The following SASH1 variants were observed in gnomAD, a reference collection of about 807,000 sequenced individuals.
SASH1 encodes SAM and SH3 domain-containing protein 1.
A neutral mutation model predicts 125.2 loss-of-function variants in SASH1; 44 were observed. The observed-to-expected ratio is 0.35, with a 90% CI of 0.28 to 0.45. The LOEUF (loss-of-function observed/expected upper bound fraction) is 0.45. Ranked by LOEUF, SASH1 falls within the 20% of genes least tolerant of loss-of-function variation. SASH1 has a pLI of 1.00. For synonymous variants in SASH1, 639 were observed against 649.1 expected (o/e 0.98, Z 0.24); for missense variants, 1,426 against 1,614.5 (o/e 0.88, Z 2.00).
intron 4 of SASH1, among the ~76,000 whole-genome samples, chr6:148,446,334 T>G (rs1221019452): frequency 2.6e-5 from 4 of 152,008 alleles, no homozygotes; most frequent in Non-Finnish European, 5.9e-5. Flanking sequence ...GGTCTTGATC[T>G]CCTGACCTCA....
chr6:148,402,321 G>GT (rs1040750078), intron 2 of SASH1, among the ~76,000 whole-genome samples: 11 of 151,988 alleles, frequency 7.2e-5, no homozygotes, highest in Non-Finnish European at 1.6e-4. Context: ...TTGTTTGTTT[G>GT]TTTTTTTGTT....
At chr6:148,280,362 G>A (rs1040866994) in intron 1 of SASH1, 3 of 152,064 alleles carry the variant, frequency 2.0e-5, no homozygotes, top group Non-Finnish European at 4.4e-5. Context: ...TCAGTGTCCT[G>A]GGAAAAGCTT....
At chr6:148,446,946 T>C (rs773343491) in intron 4 of SASH1, among the ~76,000 whole-genome samples, 1 of 152,206 alleles carries the variant, frequency 6.6e-6, no homozygotes, top group Non-Finnish European at 1.5e-5. Flanking sequence ...GCATTGCTTA[T>C]GCAAATACAG....
intron 1 of SASH1, among the ~76,000 whole-genome samples, chr6:148,286,702 G>C (rs1004819674): frequency 1.3e-5 from 2 of 152,082 alleles, no homozygotes; most frequent in Non-Finnish European, 2.9e-5. Flanking sequence ...ATACGGATTA[G>C]AGCCCACCCT....
At chr6:148,504,594 T>C (rs1430281958) in intron 8 of SASH1, among the ~76,000 whole-genome samples, 2 of 152,096 alleles carry the variant, frequency 1.3e-5, no homozygotes, top group African/African-American at 4.8e-5. Context: ...GTGGCCTGGC[T>C]CAGTCTAGTC....
At chr6:148,482,236 A>G (rs977751628) in intron 7 of SASH1, among the ~76,000 whole-genome samples, 9 of 152,232 alleles carry the variant, frequency 5.9e-5, no homozygotes, top group African/African-American at 2.2e-4. Context: ...TATTGTAGAA[A>G]AATATGTCCT....
intron 1 of SASH1, among the ~76,000 whole-genome samples, chr6:148,373,172 C>T (rs1782763675): frequency 6.6e-6 from 1 of 151,984 alleles, no homozygotes; most frequent in African/African-American, 2.4e-5. Context: ...GCCTGGGCAA[C>T]AAGAGCGAAA....
At chr6:148,530,994 T>G (rs1398992109) in intron 12 of SASH1, among the ~76,000 whole-genome samples, 1 of 152,240 alleles carries the variant, frequency 6.6e-6, no homozygotes, top group African/African-American at 2.4e-5. Flanking sequence ...GCTGTATATG[T>G]GGGTTTTAAA....
chr6:148,461,193 C>T (rs1194594678), intron 4 of SASH1, among the ~76,000 whole-genome samples: 1 of 152,198 alleles, frequency 6.6e-6, no homozygotes, highest in Non-Finnish European at 1.5e-5. Context: ...TTGGTGGCAG[C>T]GCTGTCATTT....
chr6:148,298,264 C>T (rs931862150), intron 1 of SASH1, among the ~76,000 whole-genome samples: 12 of 152,172 alleles, frequency 7.9e-5, no homozygotes, highest in South Asian at 4.2e-4. Context: ...CTGCCCACCA[C>T]GGCCTCCCAA....
chr6:148,307,017 C>CTCTTTCTTT (rs2128516494), intron 1 of SASH1, among the ~76,000 whole-genome samples: 1 of 147,366 alleles, frequency 6.8e-6, no homozygotes, highest in East Asian at 2.0e-4. Context: ...ACCTACCTTT[C>CTCTTTCTTT]TCTTTCTTTT....
chr6:148,320,480 A>G (rs1048158163), intron 1 of SASH1, among the ~76,000 whole-genome samples: 6 of 152,214 alleles, frequency 3.9e-5, no homozygotes, highest in Non-Finnish European at 8.8e-5. Flanking sequence ...CTTTGGAATC[A>G]TCTACTCAGC....
the SASH1 span, among the ~76,000 whole-genome samples, chr6:148,206,667 GA>G: frequency 6.6e-6 from 1 of 151,794 alleles, no homozygotes; most frequent in Non-Finnish European, 1.5e-5. Flanking sequence ...GTAGGTGCCT[GA>G]AATACCAGCT....
the SASH1 span, among the ~76,000 whole-genome samples, chr6:148,207,351 A>G: frequency 2.0e-5 from 3 of 152,288 alleles, no homozygotes; most frequent in Non-Finnish European, 2.9e-5. Flanking sequence ...CTATAGACTC[A>G]TGTGGCTAGT....
At chr6:148,196,515 C>T in the SASH1 span, among the ~76,000 whole-genome samples, 27 of 152,326 alleles carry the variant, frequency 1.8e-4, no homozygotes, top group South Asian at 1.2e-3. Flanking sequence ...ATCATCTCCT[C>T]CCAAGAGACC....
In SASH1 at chr6:148,399,300, C is replaced by T. The variant is rs1784081744; in HGVS notation, c.285+9038C>T. Among the ~76,000 whole-genome samples, 6 of 149,274 alleles carry T rather than the reference C, an allele frequency of 4.0e-5. 1 individual carries two copies. The South Asian group carries it at 1.3e-3, about 32-fold the overall frequency. On this transcript the variant is annotated intron_variant, in intron 2 of 19. Coordinates refer to ENST00000367467, the MANE Select transcript of SASH1 (RefSeq NM_015278.5). ...TGGCGTGATCTCGGCTCACTGGAAC[C>T]TCCACCTCCCGGGTTCAAGTGATTC...
chr6:148,375,136 A>G (rs1782842154), intron 1 of SASH1, among the ~76,000 whole-genome samples: 1 of 151,676 alleles, frequency 6.6e-6, no homozygotes, highest in South Asian at 2.1e-4. Context: ...AACTACAGGC[A>G]TGCACCGCCA....
intron 1 of SASH1, among the ~76,000 whole-genome samples, chr6:148,362,712 G>A (rs751530462): frequency 1.3e-5 from 2 of 152,028 alleles, no homozygotes; most frequent in Non-Finnish European, 2.9e-5. Context: ...GTCAGGTGTG[G>A]TGGCGTGTGA....
intron 8 of SASH1, among the ~76,000 whole-genome samples, chr6:148,506,665 C>G (rs1476218046): frequency 2.6e-5 from 4 of 152,098 alleles, no homozygotes; most frequent in Non-Finnish European, 4.4e-5. Context: ...TAATTAAACC[C>G]AGGTTTTTCT....
Sources: allele counts gnomAD v4.1 joint callset (sites outside exome capture counted in the v4.1 genomes callset), GRCh38; gene constraint gnomAD v4.1.1; transcripts MANE v1.5; gene names NCBI Gene and HGNC (gene_info 2026-07-23, HGNC 2026-07-21).